The following INTS6 variants were observed in gnomAD, a reference collection of about 807,000 sequenced individuals.
INTS6 encodes DEAD box protein.
In INTS6, 16 loss-of-function variants were observed where a neutral mutation model predicts 104.9. The ratio of observed to expected loss-of-function variants is 0.15; its 90% CI spans 0.10 to 0.23. The LOEUF is 0.23. Among genes scored for constraint, INTS6 ranks in the 10% least tolerant of loss-of-function variants. The probability of loss-of-function intolerance (pLI) is 1.00; values close to 1 mark genes in which losing one functional copy is unlikely to be tolerated. For synonymous variants in INTS6, 324 were observed against 358.7 expected, an observed-to-expected ratio of 0.90 and a Z score of 1.09; for missense variants, 584 against 1,062.8, an observed-to-expected ratio of 0.55 and a Z score of 6.26.
chr13:51,339,471 C>G, the INTS6 span: 1 of 152,310 alleles, frequency 6.6e-6, no homozygotes, highest in Non-Finnish European at 1.5e-5. Flanking sequence ...GCTGGCTCTC[C>G]CCCCACGGCC....
At chr13:51,450,742 G>A in intron 3 of INTS6, 2 of 1,049,362 alleles carry the variant, frequency 1.9e-6, no homozygotes, top group Non-Finnish European at 2.3e-6. Flanking sequence ...TTTCCTTTTA[G>A]GTCTTTACTG....
At position 51,362,435 on chromosome 13, in the gene INTS6, C is replaced by T. The variant is rs569660247; in HGVS notation, c.*3317G>A. ...TGGTAATCCAAAGATGGTGTGGTAC[C>T]GGCAAAGCCTCAGTACATCAGAAGG... is the stretch of plus-strand genomic sequence containing the variant. On this transcript the variant is annotated 3_prime_UTR_variant, in exon 18 of 18. Transcript: ENST00000311234. The T allele has an allele frequency of 3.3e-5, 5 of 153,554 alleles. No homozygotes were observed. Among genetic ancestry groups the T allele is most frequent in the South Asian group, 2.1e-4 (1 of 4,856 alleles). 9.5% of individuals were successfully genotyped at this position (153,554 alleles called of 1,614,324 possible).
chr13:51,358,591 G>C (rs543765465), downstream of INTS6, among the ~76,000 whole-genome samples: 11 of 152,242 alleles, frequency 7.2e-5, no homozygotes, highest in African/African-American at 2.4e-4. Flanking sequence ...ATAGTGGTAA[G>C]GGGTGTCTAT....
chr13:51,432,872 C>G (rs1246788902), intron 3 of INTS6, among the ~76,000 whole-genome samples: 7 of 152,174 alleles, frequency 4.6e-5, no homozygotes, highest in Non-Finnish European at 1.0e-4. Context: ...GATATATAAT[C>G]TCTACTCTCA....
rs1566211875 is a variant in INTS6, at chr13:51,379,491, T to C, written c.1357A>G (p.Ile453Val). 1 of 1,601,010 alleles carries C rather than the reference T, an allele frequency of 6.2e-7. No individual in the cohort carries two copies. Among genetic ancestry groups the C allele is most frequent in the Non-Finnish European group, 8.5e-7 (1 of 1,173,322 alleles). ...TGACTCAGTTTTTTGAGGTATGAAA[T>C]GACACTGTAACTAAGTCCATATTCC... ...SMEYGLSYSV[I>V]SYLKKLSQQA... Residue 453 changes from isoleucine (I) to valine (V), a missense_variant, in exon 11 of 18, where the codon ATT (isoleucine) becomes GTT (valine). Transcript: ENST00000311234.
chr13:51,383,277 T>G, intron 9 of INTS6, 52 bp downstream of exon 9: 1 of 1,488,590 alleles, frequency 6.7e-7, no homozygotes, highest in Non-Finnish European at 9.0e-7. Context: ...AAATGCGCTT[T>G]AGGAGAACTT....
chr13:51,423,170 A>G (rs113545722), intron 4 of INTS6: 8 of 510,348 alleles, frequency 1.6e-5, no homozygotes, highest in African/African-American at 2.1e-5. Context: ...ACTATGTATC[A>G]CAAGGAAAAC....
intron 17 of INTS6, among the ~76,000 whole-genome samples, chr13:51,366,828 G>A (rs182885909): frequency 8.2e-4 from 124 of 152,008 alleles, no homozygotes; most frequent in Non-Finnish European, 1.4e-3. Context: ...AGAGACAGGG[G>A]GACAAAGTAT....
intron 17 of INTS6, 22 bp from the exon 18 acceptor site, chr13:51,365,867 ACT>A (rs778460779): frequency 6.5e-6 from 9 of 1,381,488 alleles, no homozygotes; most frequent in Non-Finnish European, 9.1e-6. Context: ...AATAAATAGT[ACT>A]CTCAATTACT....
chr13:51,380,863 A>ATC (rs1447199857), intron 10 of INTS6, among the ~76,000 whole-genome samples: 1 of 152,228 alleles, frequency 6.6e-6, no homozygotes, highest in Admixed American at 6.5e-5. Flanking sequence ...ATATACACTT[A>ATC]TCCACCTTAC....
intron 13 of INTS6, 51 bp from the exon 14 acceptor site, chr13:51,374,847 A>C (rs1231641857): frequency 1.3e-5 from 21 of 1,584,674 alleles, no homozygotes; most frequent in East Asian, 2.2e-5. Context: ...ATTAGTTCTC[A>C]AATAATGTTT....
At chr13:51,375,766 TGC>T (rs1555283864) in intron 13 of INTS6, among the ~76,000 whole-genome samples, 20 of 147,310 alleles carry the variant, frequency 1.4e-4, no homozygotes, top group South Asian at 4.4e-4. Context: ...TGTGTGTGTG[TGC>T]GCGCGCGTGC....
At chr13:51,416,674 T>C (rs1048090077) in intron 4 of INTS6, among the ~76,000 whole-genome samples, 4 of 152,230 alleles carry the variant, frequency 2.6e-5, no homozygotes, top group Admixed American at 2.6e-4. Flanking sequence ...TGAATGACAT[T>C]AATATGATGT....
chr13:51,420,314 T>TA (rs71085084), intron 4 of INTS6, among the ~76,000 whole-genome samples: 1,685 of 151,518 alleles, frequency 0.011, 26 homozygotes, highest in East Asian at 0.07. Flanking sequence ...TTTTTTTTTT[T>TA]ACTAATATAG....
the INTS6 span, among the ~76,000 whole-genome samples, chr13:51,340,209 C>G: frequency 5.3e-5 from 8 of 152,210 alleles, no homozygotes; most frequent in Middle Eastern, 3.4e-3. Context: ...GGTATGATAC[C>G]ACAGTCAGAC....
chr13:51,352,064 T>C (rs556627656), downstream of INTS6, among the ~76,000 whole-genome samples: 33 of 152,258 alleles, frequency 2.2e-4, no homozygotes, highest in East Asian at 3.3e-3. Flanking sequence ...AACTTTCTTC[T>C]TTTTCAAGAT....
chr13:51,445,384 A>C (rs1031554675), intron 3 of INTS6: 4 of 152,258 alleles, frequency 2.6e-5, no homozygotes, highest in African/African-American at 9.6e-5. Context: ...AGCATGTAAT[A>C]ATCAGCTTTG....
chr13:51,357,024 A>C, downstream of INTS6, among the ~76,000 whole-genome samples: 2 of 152,174 alleles, frequency 1.3e-5, 1 homozygote, highest in Non-Finnish European at 2.9e-5. Context: ...TGTGAAGTTT[A>C]ATTAAAACAT....
At chr13:51,423,590 G>A (rs1956934191) in intron 4 of INTS6, among the ~76,000 whole-genome samples, 1 of 152,034 alleles carries the variant, frequency 6.6e-6, no homozygotes, top group Non-Finnish European at 1.5e-5. Context: ...AGTCAGCACA[G>A]AAGTTAATTT....
Sources: allele counts gnomAD v4.1 joint callset (sites outside exome capture counted in the v4.1 genomes callset), GRCh38; gene constraint gnomAD v4.1.1; transcripts MANE v1.5; gene names NCBI Gene and HGNC (gene_info 2026-07-23, HGNC 2026-07-21).